Variants in USP30 observed in about 807,000 individuals in gnomAD.
USP30 encodes the protein ubiquitin carboxyl-terminal hydrolase 30.
Under a neutral mutation model 68.2 loss-of-function variants are expected in USP30, and 41 were observed. The observed-to-expected ratio is 0.60, with a 90% CI of 0.47 to 0.78. The LOEUF is 0.78. USP30 is among the 30% of genes least tolerant of loss of function. The probability of loss-of-function intolerance (pLI) is 0.00; values close to 1 mark genes in which losing one functional copy is unlikely to be tolerated. For missense variants in USP30, 522 were observed against 649.4 expected (o/e 0.80, Z 2.13); for synonymous variants, 229 against 253.7 (o/e 0.90, Z 0.93).
intron 11 of USP30, 66 bp from the exon 12 acceptor site, chr12:109,084,887 C>T: frequency 6.9e-7 from 1 of 1,458,078 alleles, no homozygotes; most frequent in Admixed American, 2.4e-5. Context: ...TCAAGGTAAT[C>T]AAAACCAGGT....
intron 3 of USP30, among the ~76,000 whole-genome samples, chr12:109,037,203 G>T (rs969688305): frequency 1.3e-5 from 2 of 151,980 alleles, no homozygotes; most frequent in African/African-American, 4.8e-5. Flanking sequence ...CTGCTGTTGT[G>T]CTCGCTAGTG....
intron 1 of USP30, among the ~76,000 whole-genome samples, chr12:109,023,782 G>A (rs1309316308): frequency 6.6e-6 from 1 of 150,920 alleles, no homozygotes; most frequent in Non-Finnish European, 1.5e-5. Context: ...ACAGGTGCCC[G>A]CCACCATGCC....
chr12:109,080,627 T>C (rs1271205495), intron 7 of USP30, among the ~76,000 whole-genome samples: 1 of 152,266 alleles, frequency 6.6e-6, no homozygotes, highest in Non-Finnish European at 1.5e-5. Flanking sequence ...TCTGTGGACA[T>C]GCCATATAAT....
In USP30 at chr12:109,086,864, C is replaced by T. The variant is rs1391909678; in HGVS notation, c.*933C>T. ...AAATAATCCCTGCCCTGAGTTGACA[C>T]CTGGCTTAGGAAGGAAGGGCTGACT... On this transcript the variant is annotated 3_prime_UTR_variant, in exon 13 of 13. Coordinates refer to ENST00000257548, the MANE Select transcript of USP30 (RefSeq NM_032663.5). 1 of 152,234 alleles carries T rather than the reference C, an allele frequency of 6.6e-6. No homozygotes were observed. Among genetic ancestry groups the T allele is most frequent in the African/African-American group, 2.4e-5 (1 of 41,452 alleles). 9.4% of individuals were successfully genotyped at this position (152,234 alleles called of 1,614,324 possible).
intron 7 of USP30, among the ~76,000 whole-genome samples, chr12:109,076,223 A>C (rs1265512939): frequency 6.6e-6 from 1 of 152,198 alleles, no homozygotes; most frequent in Non-Finnish European, 1.5e-5. Context: ...TGCCACTAGT[A>C]TATAGACATA....
intron 1 of USP30, among the ~76,000 whole-genome samples, chr12:109,024,322 AT>A (rs1330829874): frequency 1.4e-4 from 22 of 152,106 alleles, no homozygotes; most frequent in African/African-American, 4.8e-4. Context: ...TGGTGGTGTG[AT>A]CTCAGCTCAT....
chr12:109,048,912 G>A (rs1315267920), upstream of USP30, among the ~76,000 whole-genome samples: 2 of 152,140 alleles, frequency 1.3e-5, no homozygotes, highest in African/African-American at 4.8e-5. Context: ...TATGATCACT[G>A]TTTCAACATT....
At chr12:109,044,339 C>T (rs1200961722) in intron 3 of USP30, among the ~76,000 whole-genome samples, 1 of 152,130 alleles carries the variant, frequency 6.6e-6, no homozygotes, top group Non-Finnish European at 1.5e-5. Context: ...CACTGAACTG[C>T]ACACTTAAGA....
upstream of USP30, chr12:109,052,428 G>A (rs980194862): frequency 1.1e-5 from 4 of 380,636 alleles, no homozygotes; most frequent in Non-Finnish European, 1.9e-5. Context: ...AGGCAACTGA[G>A]CCCAGCGTAG....
At chr12:109,036,639 T>A (rs2040523231) in intron 3 of USP30, among the ~76,000 whole-genome samples, 1 of 152,176 alleles carries the variant, frequency 6.6e-6, no homozygotes, top group Non-Finnish European at 1.5e-5. Context: ...TTTTGTTTTG[T>A]TTAAGAATCT....
At chr12:109,078,831 A>G (rs1462310704) in intron 7 of USP30, among the ~76,000 whole-genome samples, 1 of 152,182 alleles carries the variant, frequency 6.6e-6, no homozygotes, top group African/African-American at 2.4e-5. Flanking sequence ...GAAGAATACT[A>G]CTGCTGGATA....
intron 1 of USP30, among the ~76,000 whole-genome samples, chr12:109,055,945 T>G (rs970173431): frequency 2.0e-5 from 3 of 151,920 alleles, no homozygotes; most frequent in African/African-American, 4.8e-5. Context: ...CCCACTGATA[T>G]GTTCAGGTAG....
intron 1 of USP30, among the ~76,000 whole-genome samples, chr12:109,054,525 G>A (rs2040779360): frequency 1.4e-5 from 1 of 73,174 alleles, no homozygotes; most frequent in Non-Finnish European, 2.8e-5. Flanking sequence ...GCAAGACACT[G>A]TCTCAAAAAA....
chr12:109,076,517 G>A (rs955762225), intron 7 of USP30, among the ~76,000 whole-genome samples: 6 of 151,424 alleles, frequency 4.0e-5, no homozygotes, highest in East Asian at 1.9e-4. Flanking sequence ...ATCTTCTGAA[G>A]CAAGTATTTG....
At chr12:109,035,219 CT>C (rs1303343366) in intron 3 of USP30, among the ~76,000 whole-genome samples, 1 of 151,900 alleles carries the variant, frequency 6.6e-6, no homozygotes, top group East Asian at 1.9e-4. Flanking sequence ...TTACTGTCTT[CT>C]TTTGTGTTCA....
rs938014712 is a variant in USP30, at chr12:109,087,508, C to T, written c.*1577C>T. On this transcript the variant is annotated 3_prime_UTR_variant, in exon 13 of 13. Transcript: ENST00000257548. ...GGTGCAAGGGGCAGCTTGAACTGTA[C>T]GGTCCGTCCTGCACTCACCCGATGC... 31 of 152,264 alleles carry T rather than the reference C, an allele frequency of 2.0e-4. No homozygotes were observed. The highest frequency in any genetic ancestry group is 6.3e-4 in the African/African-American group (26 of 41,456). 9.4% of individuals were successfully genotyped at this position (152,264 alleles called of 1,614,324 possible). A position where few individuals can be genotyped will look rare whatever the true frequency, so the allele number is the denominator to read the frequency against.
At chr12:109,042,999 T>C (rs900543967) in intron 3 of USP30, among the ~76,000 whole-genome samples, 1 of 152,096 alleles carries the variant, frequency 6.6e-6, no homozygotes, top group African/African-American at 2.4e-5. Context: ...AACTATTTCA[T>C]TTACAATAGC....
At position 109,085,857 on chromosome 12, in the gene USP30, G is replaced by A. The variant is rs1415958657; in HGVS notation, c.1480G>A (p.Ala494Thr). Residue 494 changes from alanine (A) to threonine (T), a missense_variant, in exon 13 of 13, where the codon GCC becomes ACC. Physicochemically the swap from Ala to Thr is moderately conservative, Grantham distance 58. Transcript: ENST00000257548. ...CCTGCAGGAGGTCCTGTCCTCCAGC[G>A]CCTACCTGCTGTTCTACGAGCGCGT... ...ASLQEVLSSS[A>T]YLLFYERVLS... The A allele has an allele frequency of 1.9e-6, 3 of 1,614,224 alleles. No individual in the cohort carries two copies. Among genetic ancestry groups the A allele is most frequent in the Non-Finnish European group, 2.5e-6 (3 of 1,180,044 alleles).
Position 109,082,873 on chromosome 12 carries a change from C to T in USP30, c.979C>T (p.Arg327Trp), listed in dbSNP as rs2135827357. 3 of 1,614,138 alleles carry T rather than the reference C, an allele frequency of 1.9e-6. No homozygotes were observed. The highest frequency in any genetic ancestry group is 2.2e-5 in the East Asian group (1 of 44,888). ...LPQCLCIHLQRLSWSSHGTPL... is the reference protein window; with the variant it reads ...LPQCLCIHLQWLSWSSHGTPL... ...TCAGTGTCTCTGCATCCACCTACAG[C>T]GGCTGAGCTGGTCCAGCCACGGCAC... The change falls in exon 11 of 13, where the codon CGG (arginine) becomes TGG (tryptophan). Residue 327 changes from arginine (R) to tryptophan (W), a missense_variant. By Grantham distance (101) the Arg-to-Trp change is moderately radical (BLOSUM62 -3). Coordinates refer to ENST00000257548, the MANE Select transcript of USP30 (RefSeq NM_032663.5).
Sources: allele counts gnomAD v4.1 joint callset (sites outside exome capture counted in the v4.1 genomes callset), GRCh38; gene constraint gnomAD v4.1.1; transcripts MANE v1.5; gene names NCBI Gene and HGNC (gene_info 2026-07-23, HGNC 2026-07-21).